Variants in EYS observed in about 807,000 individuals in gnomAD.
EYS encodes EGF-like photoreceptor maintenance factor, also known as protein eyes shut homolog.
A neutral mutation model predicts 282.1 loss-of-function variants in EYS; 250 were observed. The observed-to-expected ratio is 0.89, with a 90% CI of 0.80 to 0.98. The LOEUF (loss-of-function observed/expected upper bound fraction) is 0.98, where lower values mean the gene tolerates loss of function less well. Ranked by LOEUF, EYS falls within the 50% of genes least tolerant of loss-of-function variation. EYS has a pLI of 0.00. For synonymous variants in EYS, 1,355 were observed against 1,282.9 expected (o/e 1.06, Z -1.20); for missense variants, 4,016 against 3,709.0 (o/e 1.08, Z -2.15).
At chr6:64,804,832 T>A (rs2150010528) in intron 22 of EYS, among the ~76,000 whole-genome samples, 1 of 152,234 alleles carries the variant, frequency 6.6e-6, no homozygotes, top group East Asian at 1.9e-4. Context: ...GATTGGAGAC[T>A]AAAACTAATT....
intron 37 of EYS, among the ~76,000 whole-genome samples, chr6:63,802,137 G>T (rs1240646785): frequency 6.6e-6 from 1 of 152,142 alleles, no homozygotes; most frequent in Non-Finnish European, 1.5e-5. Flanking sequence ...TGTTTTAAAA[G>T]ACTCACTTCT....
chr6:64,444,887 T>C (rs550752811), intron 26 of EYS, among the ~76,000 whole-genome samples: 62 of 152,328 alleles, frequency 4.1e-4, no homozygotes, highest in African/African-American at 1.5e-3. Flanking sequence ...TCTCTTGCCA[T>C]GTGAAACCCT....
intron 22 of EYS, among the ~76,000 whole-genome samples, chr6:64,670,258 A>G (rs1161507965): frequency 6.6e-6 from 1 of 152,052 alleles, no homozygotes; most frequent in Non-Finnish European, 1.5e-5. Flanking sequence ...TCATTTTTAA[A>G]AGATCGTCCA....
At chr6:65,616,365 T>G (rs1259776806) in intron 2 of EYS, among the ~76,000 whole-genome samples, 1 of 151,960 alleles carries the variant, frequency 6.6e-6, no homozygotes, top group African/African-American at 2.4e-5. Context: ...AATCACTGTT[T>G]AAGACAATTA....
chr6:64,815,296 G>T, intron 21 of EYS: 1 of 378,092 alleles, frequency 2.6e-6, no homozygotes. Context: ...TTTTATTTAT[G>T]GAATAGAAAT....
intron 19 of EYS, among the ~76,000 whole-genome samples, chr6:64,823,866 G>T (rs903006836): frequency 6.6e-6 from 1 of 151,886 alleles, no homozygotes; most frequent in South Asian, 2.1e-4. Flanking sequence ...GAGTAATACC[G>T]TGGATACCAA....
chr6:65,194,546 C>G (rs927322334), intron 12 of EYS, among the ~76,000 whole-genome samples: 2 of 151,998 alleles, frequency 1.3e-5, no homozygotes, highest in African/African-American at 4.8e-5. Flanking sequence ...ATGCTGGAAG[C>G]AGGCTTCATG....
chr6:64,721,135 AG>A (rs1248088840), intron 22 of EYS, among the ~76,000 whole-genome samples: 1 of 152,202 alleles, frequency 6.6e-6, no homozygotes, highest in Admixed American at 6.5e-5. Context: ...CAAGAACAAC[AG>A]GAACAACAAA....
At chr6:64,457,431 G>A (rs929329271) in intron 26 of EYS, among the ~76,000 whole-genome samples, 2 of 151,726 alleles carry the variant, frequency 1.3e-5, no homozygotes, top group African/African-American at 4.8e-5. Flanking sequence ...TTTTATGTTT[G>A]GATAATCTGT....
intron 31 of EYS, among the ~76,000 whole-genome samples, chr6:64,143,521 A>C (rs77937624): frequency 0.025 from 3,809 of 152,270 alleles, 146 homozygotes; most frequent in African/African-American, 0.086. Flanking sequence ...AGGTATTAAA[A>C]TACATGGCTC....
chr6:64,291,692 G>C (rs547069330), intron 30 of EYS, among the ~76,000 whole-genome samples: 3 of 152,070 alleles, frequency 2.0e-5, no homozygotes, highest in African/African-American at 7.2e-5. Context: ...TTTTGTATTT[G>C]TACTCTGCTC....
At chr6:64,900,075 C>T (rs1767606810) in intron 18 of EYS, among the ~76,000 whole-genome samples, 1 of 152,136 alleles carries the variant, frequency 6.6e-6, no homozygotes, top group Non-Finnish European at 1.5e-5. Flanking sequence ...GAAATAACAT[C>T]ACACATCTAC....
Position 65,345,808 on chromosome 6 carries a change from G to GA in EYS, c.1460-1632dup, listed in dbSNP as rs528311078. Reference sequence around the variant, plus strand: ...AACCCACAAAAAAGAGTGAGAAGATGAAAAAAAATGATACACTGACTAAAT... The same window carrying GA: ...AACCCACAAAAAAGAGTGAGAAGATGAAAAAAAAATGATACACTGACTAAAT... On this transcript the variant is annotated intron_variant, in intron 9 of 42. Coordinates refer to ENST00000503581, the MANE Select transcript of EYS (RefSeq NM_001142800.2). 1.1e-3 allele frequency among the ~76,000 whole-genome samples: 160 copies of GA among 150,360 alleles called. 1 individual carries two copies. Among genetic ancestry groups the GA allele is most frequent in the South Asian group, 7.4e-3 (35 of 4,758 alleles).
chr6:63,895,939 A>G (rs1773528771), intron 35 of EYS, among the ~76,000 whole-genome samples: 1 of 126,976 alleles, frequency 7.9e-6, no homozygotes, highest in African/African-American at 3.0e-5. Context: ...TTTTTCAGAA[A>G]GCTTTTTATA....
chr6:64,287,597 T>C (rs1393604424), intron 30 of EYS, among the ~76,000 whole-genome samples: 5 of 152,078 alleles, frequency 3.3e-5, no homozygotes. Context: ...TAGAGCAACA[T>C]GGAAGAACGG....
chr6:65,103,666 G>C (rs1054839828), intron 12 of EYS, among the ~76,000 whole-genome samples: 1 of 151,460 alleles, frequency 6.6e-6, no homozygotes, highest in African/African-American at 2.4e-5. Context: ...AAAGTTCACT[G>C]CTTCTTTAGG....
chr6:64,452,343 T>A (rs1775382606), intron 26 of EYS, among the ~76,000 whole-genome samples: 1 of 152,048 alleles, frequency 6.6e-6, no homozygotes, highest in Non-Finnish European at 1.5e-5. Context: ...AAACCACTGC[T>A]CAATTAAATA....
chr6:64,053,426 GA>G, intron 33 of EYS, among the ~76,000 whole-genome samples: 2 of 152,190 alleles, frequency 1.3e-5, no homozygotes, highest in Admixed American at 1.3e-4. Context: ...TAAATTATAA[GA>G]GATTTTAACT....
At chr6:65,523,233 C>A (rs537007495) in intron 2 of EYS, among the ~76,000 whole-genome samples, 1 of 151,960 alleles carries the variant, frequency 6.6e-6, no homozygotes, top group South Asian at 2.1e-4. Context: ...CATATACATA[C>A]CTCAAAACAT....
Sources: allele counts gnomAD v4.1 joint callset (sites outside exome capture counted in the v4.1 genomes callset), GRCh38; gene constraint gnomAD v4.1.1; transcripts MANE v1.5; gene names NCBI Gene and HGNC (gene_info 2026-07-23, HGNC 2026-07-21).